Variants in RRP1B observed in about 807,000 individuals in gnomAD.
The protein encoded by RRP1B is ribosomal RNA processing 1B.
In RRP1B, 56 loss-of-function variants were observed where a neutral mutation model predicts 80.2. The ratio of observed to expected loss-of-function variants is 0.70; its 90% confidence interval spans 0.56 to 0.87. The LOEUF is 0.87. Ranked by LOEUF, RRP1B falls within the 40% of genes least tolerant of loss-of-function variation. The pLI, the probability that RRP1B is intolerant of heterozygous loss-of-function variation, is 0.00. For missense variants in RRP1B, 807 were observed against 939.8 expected, an observed-to-expected ratio of 0.86 and a Z score of 1.85; for synonymous variants, 351 against 357.6, an observed-to-expected ratio of 0.98 and a Z score of 0.21.
rs1372382629 is a variant in RRP1B at position 43,685,729 on chromosome 21, GTTATTTTTTTATTTTTTATTTT to G, written c.990-24_990-3del. On this transcript the variant is annotated intron_variant, in intron 10 of 15. Transcript: ENST00000340648. The stretch of plus-strand genomic sequence containing the variant: ...AGAAGGGATTTCTTTATGAACATTT[GTTATTTTTTTATTTTTTATTTT>G]TTATTTTTTTATTTTTAGATTCCAA... The G allele has an allele frequency of 1.2e-5, 16 of 1,360,662 alleles. No homozygotes were observed. The highest frequency in any genetic ancestry group is 1.6e-5 in the Non-Finnish European group (16 of 1,014,374). The allele number at this position is 1,360,662 out of a possible 1,614,324, so 84.3% of individuals were successfully genotyped here. A position where few individuals can be genotyped will look rare whatever the true frequency, so the allele number is the denominator to read the frequency against.
chr21:43,681,459 A>G (rs867328828), intron 8 of RRP1B, among the ~76,000 whole-genome samples: 4 of 151,274 alleles, frequency 2.6e-5, no homozygotes, highest in African/African-American at 9.7e-5. Flanking sequence ...GGGTTCAAGC[A>G]ATTCTCCTGC....
rs1451775605 is a variant in RRP1B at position 43,693,400 on chromosome 21, T to C, written c.*17T>C. On this transcript the variant is annotated 3_prime_UTR_variant, in exon 16 of 16. Coordinates refer to ENST00000340648, the MANE Select transcript of RRP1B (RefSeq NM_015056.3). The surrounding 1 kb of genome is among the most constrained non-coding windows in gnomAD (Gnocchi z 4.1). Reference sequence around the variant, plus strand: ...TTCTTCTGAGGAGCAGCAGAGTCCCTTGTAAAAGACTGCTTTTGTACAGAA... The same window carrying C: ...TTCTTCTGAGGAGCAGCAGAGTCCCCTGTAAAAGACTGCTTTTGTACAGAA... 1 of 1,526,544 alleles carries C rather than the reference T, an allele frequency of 6.6e-7. No homozygotes were observed. The highest frequency in any genetic ancestry group is 8.8e-7 in the Non-Finnish European group (1 of 1,139,314). 94.6% of individuals were successfully genotyped at this position (1,526,544 alleles called of 1,614,324 possible).
intron 1 of RRP1B, among the ~76,000 whole-genome samples, chr21:43,665,140 C>T (rs2082973565): frequency 6.6e-6 from 1 of 152,228 alleles, no homozygotes; most frequent in Admixed American, 6.5e-5. Context: ...GTGGGCTATC[C>T]ATAGCAGATG....
Position 43,674,674 on chromosome 21 carries a change from G to A in RRP1B, c.396G>A (p.Leu132=), listed in dbSNP as rs201336640. ...TCCTGAGGCAGTCCTTTGAAGTCTT[G>A]AAGCGAAATGGCTGGGAAGAAAGGT... ...RLVLRQSFEV[L]KRNGWEESRI... is the part of the protein sequence containing the mutation. Residue 132 remains leucine, a synonymous_variant, in exon 5 of 16, where the codon TTG becomes TTA. Coordinates refer to ENST00000340648, the MANE Select transcript of RRP1B (RefSeq NM_015056.3). 2.0e-6 allele frequency: 3 copies of A among 1,508,516 alleles called. No individual in the cohort carries two copies. The highest frequency in any genetic ancestry group is 2.7e-5 in the East Asian group (1 of 36,762). The allele number at this position is 1,508,516 out of a possible 1,614,324, so 93.4% of individuals were successfully genotyped here. A position where few individuals can be genotyped will look rare whatever the true frequency, so the allele number is the denominator to read the frequency against.
rs569102131 is a variant in RRP1B, at chr21:43,687,405, G to A, written c.1142-111G>A. ...CTCAAGGGAGACAGGAACTTTCCTCGTGGTAGAATGTCAGGAAATTGCGTC... is the reference window on the plus strand; with the variant it reads ...CTCAAGGGAGACAGGAACTTTCCTCATGGTAGAATGTCAGGAAATTGCGTC... On this transcript the variant is annotated intron_variant, in intron 12 of 15. Transcript: ENST00000340648. 3.4e-5 allele frequency: 43 copies of A among 1,271,592 alleles called. No individual in the cohort carries two copies. The African/African-American group carries it at 5.3e-4, about 16-fold the overall frequency. 78.8% of individuals were successfully genotyped at this position (1,271,592 alleles called of 1,614,324 possible).
At chr21:43,671,481 C>A (rs1197834825) in intron 2 of RRP1B, among the ~76,000 whole-genome samples, 2 of 151,692 alleles carry the variant, frequency 1.3e-5, no homozygotes, top group Non-Finnish European at 2.9e-5. Context: ...GATCCTCCTG[C>A]CTCAGCCACC....
chr21:43,688,057 C>T lies in RRP1B; in HGVS notation c.1683C>T (p.His561=). 4 of 1,612,554 alleles carry T rather than the reference C, an allele frequency of 2.5e-6. No individual in the cohort carries two copies. The highest frequency in any genetic ancestry group is 3.4e-6 in the Non-Finnish European group (4 of 1,179,604). The part of the protein sequence containing the change: ...PTGPAEGANS[H]TTLPQRRRLQ... ...GCCCCGCAGAGGGGGCGAACAGCCACACCACGCTGCCCCAGCGCAGGAGGC... is the reference window on the plus strand; with the variant it reads ...GCCCCGCAGAGGGGGCGAACAGCCATACCACGCTGCCCCAGCGCAGGAGGC... The change falls in exon 13 of 16, where the codon CAC becomes CAT. Residue 561 remains histidine, a synonymous_variant. Coordinates refer to ENST00000340648, the MANE Select transcript of RRP1B (RefSeq NM_015056.3).
At chr21:43,676,657 C>A in intron 7 of RRP1B, 76 bp from the exon 8 acceptor site, 1 of 1,353,468 alleles carries the variant, frequency 7.4e-7, no homozygotes, top group Non-Finnish European at 1.0e-6. Flanking sequence ...TGCAGGGCTT[C>A]CCTCTGTGCC....
intron 1 of RRP1B, among the ~76,000 whole-genome samples, chr21:43,662,681 G>C (rs1379192632): frequency 6.6e-6 from 1 of 152,142 alleles, no homozygotes; most frequent in African/African-American, 2.4e-5. Context: ...TGTTCAAGTT[G>C]GGTGCTCACA....
At chr21:43,667,367 C>T (rs1187766994) in intron 1 of RRP1B, among the ~76,000 whole-genome samples, 1 of 152,172 alleles carries the variant, frequency 6.6e-6, no homozygotes, top group African/African-American at 2.4e-5. Context: ...CTTGGGACTA[C>T]AGGCACATGC....
chr21:43,692,564 A>C (rs999293945), intron 15 of RRP1B, among the ~76,000 whole-genome samples: 1 of 150,784 alleles, frequency 6.6e-6, no homozygotes, highest in African/African-American at 2.4e-5. Context: ...GTTTCACTGC[A>C]CTCCAGCCTG....
chr21:43,687,116 C>T (rs996470308), intron 12 of RRP1B, among the ~76,000 whole-genome samples, 181 bp downstream of exon 12: 33 of 152,092 alleles, frequency 2.2e-4, no homozygotes, highest in African/African-American at 7.0e-4. Context: ...TTGGTGGAGC[C>T]GCGTCCCCAC....
intron 13 of RRP1B, among the ~76,000 whole-genome samples, chr21:43,688,548 G>A (rs1405775449): frequency 6.6e-6 from 1 of 152,238 alleles, no homozygotes; most frequent in South Asian, 2.1e-4. Context: ...GTTCAGGCCA[G>A]TCTAGGCCTC....
intron 8 of RRP1B, among the ~76,000 whole-genome samples, 178 bp downstream of exon 8, chr21:43,677,092 C>T (rs2083025858): frequency 6.6e-6 from 1 of 152,158 alleles, no homozygotes; most frequent in African/African-American, 2.4e-5. Flanking sequence ...GGGTGCCTAG[C>T]GGGGCTCTGG....
chr21:43,687,172 G>A (rs2083066538), intron 12 of RRP1B, among the ~76,000 whole-genome samples: 1 of 152,212 alleles, frequency 6.6e-6, no homozygotes, highest in African/African-American at 2.4e-5. Flanking sequence ...CCTCTGCAGG[G>A]AAGCAGGAGC....
At chr21:43,668,359 A>T (rs886945599) in intron 1 of RRP1B, among the ~76,000 whole-genome samples, 4 of 147,320 alleles carry the variant, frequency 2.7e-5, no homozygotes, top group Non-Finnish European at 6.0e-5. Context: ...TCTTTTTGTC[A>T]CTTTTTTTTT....
At chr21:43,664,323 G>A (rs1348919288) in intron 1 of RRP1B, among the ~76,000 whole-genome samples, 3 of 88,754 alleles carry the variant, frequency 3.4e-5, no homozygotes, top group African/African-American at 5.4e-5. Context: ...GTAAAACTCC[G>A]TCTCAAAAAA....
intron 1 of RRP1B, among the ~76,000 whole-genome samples, chr21:43,669,541 C>G (rs905133015): frequency 6.6e-6 from 1 of 152,134 alleles, no homozygotes; most frequent in South Asian, 2.1e-4. Context: ...GCGAAAATGT[C>G]AGTGTGCAGG....
chr21:43,690,540 T>C, intron 14 of RRP1B, 100 bp downstream of exon 14: 1 of 1,378,986 alleles, frequency 7.3e-7, no homozygotes, highest in African/African-American at 1.4e-5. Flanking sequence ...AGCCCCACTG[T>C]GGCCCTCTGA....
Sources: allele counts gnomAD v4.1 joint callset (sites outside exome capture counted in the v4.1 genomes callset), GRCh38; gene constraint gnomAD v4.1.1; non-coding constraint Gnocchi (gnomAD v3.1); transcripts MANE v1.5; gene names NCBI Gene and HGNC (gene_info 2026-07-23, HGNC 2026-07-21).